The following DLGAP1 variants were observed in gnomAD, a reference collection of about 807,000 sequenced individuals.
The protein encoded by DLGAP1 is DLG associated protein 1.
In DLGAP1, 11 loss-of-function variants were observed where a neutral mutation model predicts 90.8. That is an observed-to-expected ratio of 0.12 (90% CI 0.08 to 0.20). The LOEUF is 0.20. DLGAP1 is among the 10% of genes least tolerant of loss of function. The pLI, the probability that DLGAP1 is intolerant of heterozygous loss-of-function variation, is 1.00. For missense variants in DLGAP1, 1,050 were observed against 1,333.8 expected, an observed-to-expected ratio of 0.79 and a Z score of 3.31; for synonymous variants, 558 against 540.7, an observed-to-expected ratio of 1.03 and a Z score of -0.44.
chr18:3,949,772 A>AT (rs1343790071), intron 3 of DLGAP1, among the ~76,000 whole-genome samples: 1 of 152,136 alleles, frequency 6.6e-6, no homozygotes, highest in Admixed American at 6.5e-5. Context: ...AAAATCTGTT[A>AT]TTTTCTAAGA....
chr18:3,557,820 G>T (rs548463062), intron 9 of DLGAP1, among the ~76,000 whole-genome samples: 1 of 152,102 alleles, frequency 6.6e-6, no homozygotes, highest in African/African-American at 2.4e-5. Flanking sequence ...ACAGCTACTC[G>T]GAAGGCTGAG....
intron 10 of DLGAP1, among the ~76,000 whole-genome samples, chr18:3,524,534 T>C (rs144111775): frequency 6.6e-6 from 1 of 152,286 alleles, no homozygotes; most frequent in African/African-American, 2.4e-5. Flanking sequence ...CCAACTTACT[T>C]TCTATCTGTA....
At chr18:4,095,921 T>C (rs555341695) in intron 2 of DLGAP1, among the ~76,000 whole-genome samples, 1 of 152,148 alleles carries the variant, frequency 6.6e-6, no homozygotes, top group East Asian at 1.9e-4. Context: ...AATTTAAACC[T>C]GAATCGATCA....
chr18:3,799,195 G>C (rs3786437), intron 5 of DLGAP1, among the ~76,000 whole-genome samples: 82,153 of 152,030 alleles, frequency 0.54, 24,839 homozygotes, highest in Non-Finnish European at 0.68. Flanking sequence ...AAATGAAAAA[G>C]AAAAAGCCAC....
intron 2 of DLGAP1, among the ~76,000 whole-genome samples, chr18:4,150,093 C>A (rs77517574): frequency 6.6e-6 from 1 of 152,192 alleles, no homozygotes; most frequent in Non-Finnish European, 1.5e-5. Flanking sequence ...GCTAACCCAC[C>A]CATAATTTGG....
At chr18:3,894,816 T>G (rs2071574552) in intron 3 of DLGAP1, 1 of 152,194 alleles carries the variant, frequency 6.6e-6, no homozygotes, top group Admixed American at 6.5e-5. Context: ...TCCTCTTACT[T>G]TTTCAAGGCC....
chr18:3,543,166 A>ATTTTTTTTTTTTT lies in DLGAP1; in HGVS notation c.2058-8564_2058-8552dup, dbSNP rs76751283. 1.1e-3 allele frequency among the ~76,000 whole-genome samples: 68 copies of ATTTTTTTTTTTTT among 64,142 alleles called. 3 individuals carry two copies. The highest frequency in any genetic ancestry group is 2.5e-3 in the African/African-American group (65 of 25,530). The allele number at this position is 64,142 out of a possible 152,430, so 42.1% of individuals were successfully genotyped here. On this transcript the variant is annotated intron_variant, in intron 9 of 12. Transcript: ENST00000315677. ...ATACTCTTTTGTTCCCATGACTCCA[A>ATTTTTTTTTTTTT]TTTTTTTTTTTTTTTTTTTTTTGAG...
Position 3,729,127 on chromosome 18 carries a change from G to A in DLGAP1, c.1591+8C>T. The A allele has an allele frequency of 1.3e-6, 2 of 1,599,548 alleles. No homozygotes were observed. Among genetic ancestry groups the A allele is most frequent in the African/African-American group, 1.3e-5 (1 of 74,842 alleles). On this transcript the variant is annotated splice_region_variant and intron_variant, in intron 7 of 12. Coordinates refer to ENST00000315677, the MANE Select transcript of DLGAP1 (RefSeq NM_004746.4). The surrounding 1 kb of genome is among the most constrained non-coding windows in gnomAD (Gnocchi z 6.2). ...GGGGCCAGGCTGGCTGAGGGCCCGCGCACTCACCCGTGCTGCTCTGGATGG... is the reference window on the plus strand; with the variant it reads ...GGGGCCAGGCTGGCTGAGGGCCCGCACACTCACCCGTGCTGCTCTGGATGG...
chr18:4,286,558 T>A (rs745496240), intron 1 of DLGAP1, among the ~76,000 whole-genome samples: 1 of 151,994 alleles, frequency 6.6e-6, no homozygotes, highest in Non-Finnish European at 1.5e-5. Flanking sequence ...TAGCACAGGA[T>A]TAAAAGCGTC....
intron 1 of DLGAP1, among the ~76,000 whole-genome samples, chr18:4,248,089 G>A (rs965291599): frequency 2.0e-5 from 3 of 152,068 alleles, no homozygotes; most frequent in Non-Finnish European, 2.9e-5. Flanking sequence ...AAATGGTAGC[G>A]TTAGACTTGG....
intron 1 of DLGAP1, among the ~76,000 whole-genome samples, chr18:4,282,478 A>T (rs1186276209): frequency 6.6e-6 from 1 of 152,208 alleles, no homozygotes; most frequent in Admixed American, 6.5e-5. Flanking sequence ...ATTATAATAC[A>T]TAAGTCCCTT....
intron 2 of DLGAP1, among the ~76,000 whole-genome samples, chr18:4,135,790 CTTTTT>C (rs58513784): frequency 3.1e-5 from 4 of 127,346 alleles, no homozygotes; most frequent in African/African-American, 9.1e-5. Flanking sequence ...GAATCTGATT[CTTTTT>C]TTTTTTTTTT....
At chr18:3,639,340 C>G (rs1019462579) in intron 7 of DLGAP1, among the ~76,000 whole-genome samples, 1 of 124,666 alleles carries the variant, frequency 8.0e-6, no homozygotes, top group Non-Finnish European at 1.6e-5. Context: ...TGGGCAACAG[C>G]GAGACTCCAT....
At chr18:3,521,117 C>T (rs1033145628) in intron 10 of DLGAP1, among the ~76,000 whole-genome samples, 6 of 152,186 alleles carry the variant, frequency 3.9e-5, no homozygotes, top group South Asian at 2.1e-4. Context: ...TGACCCCAGA[C>T]GCTTTAGAGG....
At chr18:3,584,443 C>T (rs1460285847) in intron 7 of DLGAP1, among the ~76,000 whole-genome samples, 2 of 152,092 alleles carry the variant, frequency 1.3e-5, no homozygotes, top group African/African-American at 2.4e-5. Context: ...AGGAAACACC[C>T]TATAATGAAC....
At chr18:3,822,536 T>C (rs1240373708) in intron 4 of DLGAP1, among the ~76,000 whole-genome samples, 1 of 152,190 alleles carries the variant, frequency 6.6e-6, no homozygotes, top group East Asian at 1.9e-4. Context: ...AGAGCAGCTT[T>C]AAGTAAGTCA....
At chr18:4,316,418 G>A (rs1289747159) in intron 1 of DLGAP1, among the ~76,000 whole-genome samples, 1 of 152,174 alleles carries the variant, frequency 6.6e-6, no homozygotes, top group East Asian at 1.9e-4. Flanking sequence ...GGGGAAGATG[G>A]GAATCAGGCA....
chr18:3,944,840 C>A (rs2072845350), intron 3 of DLGAP1, among the ~76,000 whole-genome samples: 1 of 152,168 alleles, frequency 6.6e-6, no homozygotes, highest in Non-Finnish European at 1.5e-5. Context: ...GAGAAACTCA[C>A]CAAGCCTTCC....
intron 1 of DLGAP1, among the ~76,000 whole-genome samples, chr18:4,233,266 G>A (rs1311419413): frequency 6.6e-6 from 1 of 152,118 alleles, no homozygotes; most frequent in African/African-American, 2.4e-5. Flanking sequence ...AAAACAGATT[G>A]AAGTTTGTTA....
Sources: gnomAD v4.1 joint callset for allele counts (sites outside exome capture counted in the v4.1 genomes callset) on GRCh38, gnomAD v4.1.1 for gene constraint, Gnocchi (gnomAD v3.1) non-coding constraint, MANE v1.5 for transcripts, NCBI Gene and HGNC (gene_info 2026-07-23, HGNC 2026-07-21) for gene names.